The following ASTN2 variants were observed in gnomAD, a reference collection of about 807,000 sequenced individuals.
ASTN2 encodes astrotactin 2.
A neutral mutation model predicts 139.8 loss-of-function variants in ASTN2; 54 were observed. That is an observed-to-expected ratio of 0.39 (90% confidence interval 0.31 to 0.48). ASTN2 has a LOEUF of 0.48. Ranked by LOEUF, ASTN2 falls within the 20% of genes least tolerant of loss-of-function variation. The probability of loss-of-function intolerance (pLI) is 0.95; values close to 1 mark genes in which losing one functional copy is unlikely to be tolerated. For missense variants in ASTN2, 1,565 were observed against 1,725.1 expected, an observed-to-expected ratio of 0.91 and a Z score of 1.64; for synonymous variants, 756 against 719.5, an observed-to-expected ratio of 1.05 and a Z score of -0.81.
intron 3 of ASTN2, among the ~76,000 whole-genome samples, chr9:117,158,418 T>C (rs889220098): frequency 1.3e-5 from 2 of 152,070 alleles, no homozygotes; most frequent in Non-Finnish European, 2.9e-5. Context: ...ATAAGTATGA[T>C]TTGAGAGTTA....
chr9:117,175,048 A>C (rs1830883626), intron 3 of ASTN2, among the ~76,000 whole-genome samples: 1 of 152,052 alleles, frequency 6.6e-6, no homozygotes. Context: ...AAATTATGTC[A>C]TTTTTTCCAC....
chr9:116,626,008 C>A (rs776650137), intron 17 of ASTN2, among the ~76,000 whole-genome samples: 27 of 152,030 alleles, frequency 1.8e-4, no homozygotes, highest in Non-Finnish European at 2.9e-4. Flanking sequence ...GAGACAGAGT[C>A]TCCCTTTGTT....
chr9:117,317,384 T>C (rs1208373637), intron 1 of ASTN2, among the ~76,000 whole-genome samples: 2 of 152,188 alleles, frequency 1.3e-5, no homozygotes, highest in Non-Finnish European at 2.9e-5. Context: ...TGGCCCTATC[T>C]AGATATTATT....
chr9:117,224,934 C>A (rs1446203336), intron 2 of ASTN2, among the ~76,000 whole-genome samples: 1 of 152,058 alleles, frequency 6.6e-6, no homozygotes, highest in Non-Finnish European at 1.5e-5. Flanking sequence ...ATAGTTTGAC[C>A]CCCTCCCATC....
rs1257529761 is a variant in ASTN2, at chr9:116,720,877, T to G, written c.2806+4894A>C. Among the ~76,000 whole-genome samples the G allele has an allele frequency of 2.6e-5, 4 of 152,208 alleles. No individual in the cohort carries two copies. In the East Asian group the frequency reaches 7.7e-4, roughly 29 times the overall value. On this transcript the variant is annotated intron_variant, in intron 16 of 22. Coordinates refer to ENST00000313400, the MANE Select transcript of ASTN2 (RefSeq NM_001365068.1). ...CCTTCACTGGCTCCAAGCCTGTAGCTAAACTCACTGAGGCCCCTCCCAATC... is the reference window on the plus strand; with the variant it reads ...CCTTCACTGGCTCCAAGCCTGTAGCGAAACTCACTGAGGCCCCTCCCAATC...
intron 1 of ASTN2, among the ~76,000 whole-genome samples, chr9:117,304,796 A>G (rs959322743): frequency 1.1e-4 from 17 of 152,312 alleles, no homozygotes; most frequent in Non-Finnish European, 2.4e-4. Flanking sequence ...TTGACTTGCA[A>G]TTCCACACCA....
At chr9:117,369,347 C>T (rs1829930256) in intron 1 of ASTN2, among the ~76,000 whole-genome samples, 1 of 151,826 alleles carries the variant, frequency 6.6e-6, no homozygotes, top group African/African-American at 2.4e-5. Flanking sequence ...TAATAGCTAC[C>T]ATTTATTGTG....
chr9:116,581,412 C>T (rs976296994), intron 19 of ASTN2, among the ~76,000 whole-genome samples: 1 of 152,120 alleles, frequency 6.6e-6, no homozygotes, highest in Admixed American at 6.6e-5. Context: ...CCCCAGTTCC[C>T]GTAGTCATTC....
intron 10 of ASTN2, among the ~76,000 whole-genome samples, chr9:116,964,123 T>C (rs1163593037): frequency 6.6e-6 from 1 of 152,084 alleles, no homozygotes; most frequent in African/African-American, 2.4e-5. Flanking sequence ...AGTCTTCTTG[T>C]TTGGTGAGAG....
chr9:116,936,875 C>A (rs1564349596), intron 10 of ASTN2, among the ~76,000 whole-genome samples: 1 of 152,142 alleles, frequency 6.6e-6, no homozygotes, highest in Non-Finnish European at 1.5e-5. Context: ...AGGTAGGTGG[C>A]AGAGCCCTGT....
At chr9:116,462,779 T>G (rs998026536) in intron 20 of ASTN2, among the ~76,000 whole-genome samples, 1 of 127,716 alleles carries the variant, frequency 7.8e-6, no homozygotes, top group Non-Finnish European at 1.7e-5. Flanking sequence ...GGGTAAGTGT[T>G]GGGTGAGCAT....
chr9:117,289,038 TCAAGTCTGTGCTC>T (rs1219666105), intron 2 of ASTN2, among the ~76,000 whole-genome samples: 20 of 152,310 alleles, frequency 1.3e-4, no homozygotes, highest in African/African-American at 4.8e-4. Context: ...GAGAGAGACC[TCAAGTCTGTGCTC>T]CAAGTCTGTG....
chr9:117,137,248 A>G (rs1829973469), intron 4 of ASTN2, among the ~76,000 whole-genome samples: 1 of 152,150 alleles, frequency 6.6e-6, no homozygotes, highest in African/African-American at 2.4e-5. Flanking sequence ...CTACAAAAAT[A>G]CCTTGGAGCT....
chr9:116,635,820 TTGAATTGAGCTAATAGATGGTTTTCA>T (rs1222511181), intron 17 of ASTN2, among the ~76,000 whole-genome samples: 4 of 152,196 alleles, frequency 2.6e-5, no homozygotes. Flanking sequence ...GAAAAGGGCT[TTGAATTGAGCTAATAGATGGTTTTCA>T]TTGAGTTTTG....
At chr9:116,993,184 C>A (rs1409569394) in intron 7 of ASTN2, among the ~76,000 whole-genome samples, 1 of 152,174 alleles carries the variant, frequency 6.6e-6, no homozygotes, top group Non-Finnish European at 1.5e-5. Flanking sequence ...GGGGTTCTGG[C>A]CCTCTGAACG....
intron 6 of ASTN2, among the ~76,000 whole-genome samples, chr9:117,013,778 G>T (rs1041653340): frequency 2.6e-5 from 4 of 152,120 alleles, no homozygotes; most frequent in Non-Finnish European, 4.4e-5. Context: ...GAAGGCTACA[G>T]ATGAGAACTA....
intron 4 of ASTN2, among the ~76,000 whole-genome samples, chr9:117,139,187 C>A (rs1057027404): frequency 2.0e-5 from 3 of 152,120 alleles, no homozygotes; most frequent in South Asian, 2.1e-4. Context: ...TTTCAAGTAA[C>A]CCTAAATGCC....
intron 11 of ASTN2, among the ~76,000 whole-genome samples, chr9:116,847,042 A>G (rs1832457965): frequency 6.6e-6 from 1 of 151,100 alleles, no homozygotes; most frequent in Non-Finnish European, 1.5e-5. Context: ...AACAAAAAAC[A>G]AAAAACAAAA....
intron 12 of ASTN2, 107 bp downstream of exon 12, chr9:116,820,510 A>T: frequency 7.3e-7 from 1 of 1,374,182 alleles, no homozygotes; most frequent in Non-Finnish European, 9.8e-7. Context: ...AGGCCATTTT[A>T]TTGAAGGTCA....
Sources: allele counts gnomAD v4.1 joint callset (sites outside exome capture counted in the v4.1 genomes callset), GRCh38; gene constraint gnomAD v4.1.1; transcripts MANE v1.5; gene names NCBI Gene and HGNC (gene_info 2026-07-23, HGNC 2026-07-21).